C8orf34: variants seen among roughly 807,000 people sequenced by gnomAD.
C8orf34 encodes chromosome 8 open reading frame 34, also known as uncharacterized protein C8orf34.
Under a neutral mutation model 68.3 loss-of-function variants are expected in C8orf34, and 65 were observed. The observed-to-expected ratio is 0.95, with a 90% confidence interval of 0.78 to 1.17. The LOEUF is 1.17. Among genes scored for constraint, C8orf34 ranks in the 50% most tolerant of loss-of-function variants. The pLI is 0.00. For missense variants in C8orf34, 664 were observed against 655.4 expected (o/e 1.01, Z -0.14); for synonymous variants, 244 against 241.2 (o/e 1.01, Z -0.11).
At chr8:68,490,208 C>T (rs1479296184) in intron 5 of C8orf34, among the ~76,000 whole-genome samples, 1 of 152,090 alleles carries the variant, frequency 6.6e-6, no homozygotes, top group Non-Finnish European at 1.5e-5. Context: ...AAGATATAAC[C>T]ATCACCATTT....
rs1242416370 is a variant in C8orf34, at chr8:68,331,297, C to A, written c.285C>A (p.Ile95=). ...TGGCGTCTCATCCGCAAACCCGGATCCAGGCTTACCTGGAGAAGAACAAGA... is the reference window on the plus strand; with the variant it reads ...TGGCGTCTCATCCGCAAACCCGGATACAGGCTTACCTGGAGAAGAACAAGA... ...FPMASHPQTR[I]QAYLEKNKIG... is the part of the protein sequence containing the mutation. The change falls in exon 1 of 14, where the codon ATC becomes ATA. Residue 95 remains isoleucine (I), a synonymous_variant. Coordinates refer to ENST00000518698, the MANE Select transcript of C8orf34 (RefSeq NM_052958.4). 1.3e-6 allele frequency: 2 copies of A among 1,536,380 alleles called. No individual in the cohort carries two copies. Among genetic ancestry groups the A allele is most frequent in the African/African-American group, 1.4e-5 (1 of 73,052 alleles).
chr8:68,659,863 T>C (rs1270292221), intron 8 of C8orf34, among the ~76,000 whole-genome samples: 1 of 152,132 alleles, frequency 6.6e-6, no homozygotes, highest in Non-Finnish European at 1.5e-5. Flanking sequence ...AGAGCACCTG[T>C]CAAAGTCTTA....
chr8:68,501,041 C>G (rs1813749124), intron 5 of C8orf34, among the ~76,000 whole-genome samples: 1 of 152,012 alleles, frequency 6.6e-6, no homozygotes. Context: ...CTTCTGCCTC[C>G]AATGCATCAA....
At chr8:68,525,565 T>C in intron 6 of C8orf34, 1 of 920,610 alleles carries the variant, frequency 1.1e-6, no homozygotes, top group Non-Finnish European at 1.7e-6. Flanking sequence ...TTCGTCTTAC[T>C]TCTTTGTGGT....
intron 4 of C8orf34, among the ~76,000 whole-genome samples, chr8:68,484,832 A>G (rs777215098): frequency 1.7e-4 from 26 of 152,362 alleles, no homozygotes; most frequent in Non-Finnish European, 3.2e-4. Context: ...AGGCAATTTG[A>G]CATTGATAAT....
At chr8:68,381,758 A>AAT (rs1435816230) in intron 1 of C8orf34, among the ~76,000 whole-genome samples, 1 of 150,890 alleles carries the variant, frequency 6.6e-6, no homozygotes, top group Non-Finnish European at 1.5e-5. Context: ...AAAAAAAAAA[A>AAT]AAAATAGGTA....
chr8:68,610,190 T>G lies in C8orf34; in HGVS notation c.1106-30186T>G, dbSNP rs75292225. 3.5e-3 allele frequency among the ~76,000 whole-genome samples: 532 copies of G among 152,286 alleles called. 6 individuals are homozygous for G. Among genetic ancestry groups the G allele is most frequent in the African/African-American group, 0.012 (510 of 41,560 alleles). ...CCTCAACATAATTTTTTGCAAGAGT[T>G]TTTAGTATGCAGTTCAGTTATTTCT... On this transcript the variant is annotated intron_variant, in intron 7 of 13. Coordinates refer to ENST00000518698, the MANE Select transcript of C8orf34 (RefSeq NM_052958.4).
At chr8:68,809,522 G>A (rs1029288967) in intron 12 of C8orf34, among the ~76,000 whole-genome samples, 7 of 152,262 alleles carry the variant, frequency 4.6e-5, no homozygotes, top group Admixed American at 3.3e-4. Context: ...CATGCCTGTG[G>A]TCCCAGCTAC....
rs1421489061 is a variant in C8orf34, at chr8:68,684,101, T to G, written c.1242-24893T>G. 2.6e-5 allele frequency among the ~76,000 whole-genome samples: 4 copies of G among 152,236 alleles called. No homozygotes were observed. The East Asian group carries it at 7.7e-4, about 29-fold the overall frequency. Reference sequence around the variant, plus strand: ...TTTACTTCCTCTATCTTGTTTGTTCTACTTTCTTTTTCTTTCATCATCTGA... The same window carrying G: ...TTTACTTCCTCTATCTTGTTTGTTCGACTTTCTTTTTCTTTCATCATCTGA... On this transcript the variant is annotated intron_variant, in intron 8 of 13. Coordinates refer to ENST00000518698, the MANE Select transcript of C8orf34 (RefSeq NM_052958.4).
At chr8:68,743,482 C>G (rs1822366609) in intron 10 of C8orf34, among the ~76,000 whole-genome samples, 1 of 152,150 alleles carries the variant, frequency 6.6e-6, no homozygotes, top group South Asian at 2.1e-4. Flanking sequence ...GAATGCCAGA[C>G]AGTGGGTGCA....
intron 5 of C8orf34, among the ~76,000 whole-genome samples, chr8:68,512,294 G>A (rs1371528008): frequency 6.6e-6 from 1 of 152,096 alleles, no homozygotes; most frequent in Non-Finnish European, 1.5e-5. Flanking sequence ...ACATACATTA[G>A]CGTTATTCAC....
rs931560332 is a variant in C8orf34 at position 68,539,596 on chromosome 8, A to C, written c.1105+6447A>C. Reference sequence around the variant, plus strand: ...GCCAAGCACGGTGGCTCACGCCTGTAATCCCAGCACTTTGGGAGGCCGAGG... The same window carrying C: ...GCCAAGCACGGTGGCTCACGCCTGTCATCCCAGCACTTTGGGAGGCCGAGG... On this transcript the variant is annotated intron_variant, in intron 7 of 13. Transcript: ENST00000518698. 2.6e-5 allele frequency among the ~76,000 whole-genome samples: 4 copies of C among 152,320 alleles called. No individual in the cohort carries two copies. In the East Asian group the frequency reaches 7.7e-4, roughly 29 times the overall value.
chr8:68,808,804 TTATC>T (rs1824561764), intron 12 of C8orf34, among the ~76,000 whole-genome samples: 1 of 152,164 alleles, frequency 6.6e-6, no homozygotes, highest in African/African-American at 2.4e-5. Context: ...TATATTTAGT[TTATC>T]TGCTCTCCTA....
intron 1 of C8orf34, among the ~76,000 whole-genome samples, chr8:68,375,796 G>A (rs1318082699): frequency 2.0e-5 from 3 of 152,172 alleles, no homozygotes; most frequent in African/African-American, 7.2e-5. Flanking sequence ...CCTAGAACTG[G>A]GCTAGGTGTT....
At chr8:68,760,938 C>A (rs147473713) in intron 10 of C8orf34, among the ~76,000 whole-genome samples, 29 of 152,228 alleles carry the variant, frequency 1.9e-4, no homozygotes, top group Middle Eastern at 3.4e-3. Context: ...GCTATGGATT[C>A]CTAGCTCTAC....
chr8:68,510,818 C>T (rs559696139), intron 5 of C8orf34, among the ~76,000 whole-genome samples: 3 of 152,282 alleles, frequency 2.0e-5, no homozygotes, highest in Non-Finnish European at 4.4e-5. Context: ...CCCATCCAAG[C>T]CATGGGTTGG....
intron 7 of C8orf34, among the ~76,000 whole-genome samples, chr8:68,612,620 C>T (rs1019455108): frequency 3.3e-5 from 5 of 152,138 alleles, no homozygotes; most frequent in Admixed American, 2.6e-4. Flanking sequence ...ATTCAATGAA[C>T]ATTTATTAAA....
chr8:68,698,482 A>G (rs552680488), intron 8 of C8orf34, among the ~76,000 whole-genome samples: 1 of 152,186 alleles, frequency 6.6e-6, no homozygotes, highest in South Asian at 2.1e-4. Flanking sequence ...CTGGCTATAT[A>G]CAAAAGAAGT....
intron 1 of C8orf34, among the ~76,000 whole-genome samples, chr8:68,424,968 G>A (rs1003634523): frequency 1.3e-5 from 2 of 152,008 alleles, no homozygotes; most frequent in South Asian, 4.1e-4. Context: ...GACATGTAAG[G>A]CTGGTTCAAT....
Sources: gnomAD v4.1 joint callset for allele counts (sites outside exome capture counted in the v4.1 genomes callset) on GRCh38, gnomAD v4.1.1 for gene constraint, MANE v1.5 for transcripts, NCBI Gene and HGNC (gene_info 2026-07-23, HGNC 2026-07-21) for gene names.